Variants in PPM1H observed in about 807,000 individuals in gnomAD.
PPM1H encodes protein phosphatase 1H.
PPM1H carries 27 observed loss-of-function variants against 54.9 expected under a neutral mutation model. That is an observed-to-expected ratio of 0.49 (90% confidence interval 0.36 to 0.68). PPM1H has a LOEUF of 0.68. Among genes scored for constraint, PPM1H ranks in the 30% least tolerant of loss-of-function variants. The pLI, the probability that PPM1H is intolerant of heterozygous loss-of-function variation, is 0.00. For synonymous variants in PPM1H, 305 were observed against 270.8 expected (o/e 1.13, Z -1.24); for missense variants, 596 against 667.8 (o/e 0.89, Z 1.19).
chr12:62,828,068 C>T (rs886957123), intron 2 of PPM1H, among the ~76,000 whole-genome samples: 8 of 152,206 alleles, frequency 5.3e-5, no homozygotes, highest in African/African-American at 1.9e-4. Context: ...TTACTTATCT[C>T]TGTGGATGTT....
chr12:62,747,572 G>T (rs1375894106), intron 4 of PPM1H, among the ~76,000 whole-genome samples: 1 of 152,196 alleles, frequency 6.6e-6, no homozygotes, highest in Non-Finnish European at 1.5e-5. Flanking sequence ...AAAGTTTGGA[G>T]AATCAAGTAG....
At chr12:62,760,602 C>A (rs1018378341) in intron 4 of PPM1H, among the ~76,000 whole-genome samples, 1 of 152,216 alleles carries the variant, frequency 6.6e-6, no homozygotes, top group Non-Finnish European at 1.5e-5. Context: ...GAGCTGAAGG[C>A]ATAGTCAGGG....
chr12:62,741,477 C>G (rs2076380647), intron 4 of PPM1H, among the ~76,000 whole-genome samples: 1 of 152,204 alleles, frequency 6.6e-6, no homozygotes, highest in South Asian at 2.1e-4. Flanking sequence ...TTTCCAGTTT[C>G]CTTTATTATC....
At chr12:62,757,586 A>C (rs183352207) in intron 4 of PPM1H, among the ~76,000 whole-genome samples, 1 of 152,222 alleles carries the variant, frequency 6.6e-6, no homozygotes, top group African/African-American at 2.4e-5. Context: ...TTCACCAGAA[A>C]TGTACCATCA....
chr12:62,823,257 C>T (rs2076915384), intron 2 of PPM1H, among the ~76,000 whole-genome samples: 1 of 152,118 alleles, frequency 6.6e-6, no homozygotes, highest in Admixed American at 6.5e-5. Context: ...AATTAACATC[C>T]TACCAACCAA....
intron 1 of PPM1H, among the ~76,000 whole-genome samples, chr12:62,881,433 C>A (rs1345029027): frequency 1.3e-5 from 2 of 150,226 alleles, no homozygotes; most frequent in Admixed American, 1.3e-4. Flanking sequence ...GGAAAGAAGA[C>A]AGGAAGGAAG....
At chr12:62,677,574 T>C (rs2075994942) in intron 8 of PPM1H, among the ~76,000 whole-genome samples, 1 of 152,154 alleles carries the variant, frequency 6.6e-6, no homozygotes, top group Admixed American at 6.5e-5. Flanking sequence ...AGGTGGTATG[T>C]CTGGATGTGT....
chr12:62,924,511 T>G (rs1052949068), intron 1 of PPM1H, among the ~76,000 whole-genome samples: 11 of 152,158 alleles, frequency 7.2e-5, no homozygotes, highest in African/African-American at 2.7e-4. Flanking sequence ...AGGTGAACAG[T>G]GACATAATCC....
chr12:62,683,197 A>C (rs963150761), intron 8 of PPM1H, among the ~76,000 whole-genome samples: 12 of 151,902 alleles, frequency 7.9e-5, no homozygotes, highest in Admixed American at 3.9e-4. Context: ...GGTGTGATCC[A>C]CTGTGCCTGG....
chr12:62,822,414 T>G (rs567511254), intron 2 of PPM1H, among the ~76,000 whole-genome samples: 1 of 152,322 alleles, frequency 6.6e-6, no homozygotes, highest in East Asian at 1.9e-4. Flanking sequence ...GACAGACATC[T>G]ACAGAACTCT....
At chr12:62,749,467 G>A (rs1300984310) in intron 4 of PPM1H, among the ~76,000 whole-genome samples, 1 of 152,212 alleles carries the variant, frequency 6.6e-6, no homozygotes, top group Non-Finnish European at 1.5e-5. Context: ...TGCAGCAGAA[G>A]TGTTCTTCTC....
chr12:62,799,998 C>A (rs2076757508), intron 3 of PPM1H, among the ~76,000 whole-genome samples: 1 of 152,132 alleles, frequency 6.6e-6, no homozygotes, highest in Admixed American at 6.5e-5. Context: ...GCACCACTAC[C>A]ACGCCCAGCA....
chr12:62,755,443 A>G (rs1157137940), intron 4 of PPM1H: 3 of 698,356 alleles, frequency 4.3e-6, no homozygotes, highest in Non-Finnish European at 5.3e-6. Context: ...CGAAAATCCT[A>G]TCACCATCTT....
chr12:62,806,368 T>G (rs1378157892), intron 2 of PPM1H, among the ~76,000 whole-genome samples: 1 of 152,226 alleles, frequency 6.6e-6, no homozygotes, highest in Admixed American at 6.5e-5. Flanking sequence ...GCACTTTCTA[T>G]GCAACAGGCT....
At chr12:62,922,284 T>C (rs1278266489) in intron 1 of PPM1H, among the ~76,000 whole-genome samples, 3 of 151,958 alleles carry the variant, frequency 2.0e-5, no homozygotes, top group Admixed American at 6.6e-5. Context: ...TTTGAGTTAA[T>C]AAAATGCATT....
intron 2 of PPM1H, among the ~76,000 whole-genome samples, chr12:62,810,512 C>T (rs1366571352): frequency 6.6e-6 from 1 of 152,192 alleles, no homozygotes; most frequent in Non-Finnish European, 1.5e-5. Flanking sequence ...CATATCCACC[C>T]CTCATACTGT....
intron 6 of PPM1H, among the ~76,000 whole-genome samples, chr12:62,710,022 A>T (rs559083461): frequency 6.6e-6 from 1 of 152,230 alleles, no homozygotes; most frequent in South Asian, 2.1e-4. Flanking sequence ...GTGAGCCGAG[A>T]TCACGCCATT....
At chr12:62,931,695 T>C (rs557270713) in intron 1 of PPM1H, among the ~76,000 whole-genome samples, 1 of 152,322 alleles carries the variant, frequency 6.6e-6, no homozygotes, top group African/African-American at 2.4e-5. Flanking sequence ...CCTGGGCAAG[T>C]TGCTTAATCA....
intron 4 of PPM1H, among the ~76,000 whole-genome samples, chr12:62,743,127 G>A (rs992557376): frequency 6.6e-6 from 1 of 152,150 alleles, no homozygotes; most frequent in African/African-American, 2.4e-5. Flanking sequence ...AAGGGGGATG[G>A]ATCACTTGAG....
Sources: allele counts gnomAD v4.1 joint callset (sites outside exome capture counted in the v4.1 genomes callset), GRCh38; gene constraint gnomAD v4.1.1; transcripts MANE v1.5; gene names NCBI Gene and HGNC (gene_info 2026-07-23, HGNC 2026-07-21).